Variants in PKD1L1 observed in about 807,000 individuals in gnomAD.
PKD1L1 encodes the protein polycystin-1-like protein 1.
In PKD1L1, 236 loss-of-function variants were observed where a neutral mutation model predicts 323.4. That is an observed-to-expected ratio of 0.73 (90% CI 0.66 to 0.81). PKD1L1 has a LOEUF of 0.81. PKD1L1 is among the 40% of genes least tolerant of loss of function. The pLI is 0.00. For missense variants in PKD1L1, 3,320 were observed against 3,508.0 expected (o/e 0.95, Z 1.35); for synonymous variants, 1,344 against 1,335.0 (o/e 1.01, Z -0.15).
chr7:47,945,734 C>T (rs920215204), intron 1 of PKD1L1, among the ~76,000 whole-genome samples: 1 of 152,172 alleles, frequency 6.6e-6, no homozygotes, highest in Non-Finnish European at 1.5e-5. Flanking sequence ...CAGTCCACAG[C>T]TGTGAGACTG....
In PKD1L1 at chr7:47,929,107, G is replaced by A. The variant is rs543072723; in HGVS notation, c.1060+97C>T. 3.7e-4 allele frequency: 464 copies of A among 1,263,216 alleles called. 1 individual carries two copies. In the African/African-American group the frequency reaches 6.3e-3, roughly 17 times the overall value. 78.3% of individuals were successfully genotyped at this position (1,263,216 alleles called of 1,614,324 possible). Reference sequence around the variant, plus strand: ...GAAGGTTGGCTGAGTCCAGAGAAACGGAATGCAGTTTCTTTTCTTTTCCCA... The same window carrying A: ...GAAGGTTGGCTGAGTCCAGAGAAACAGAATGCAGTTTCTTTTCTTTTCCCA... On this transcript the variant is annotated intron_variant, in intron 7 of 56. Coordinates refer to ENST00000289672, the MANE Select transcript of PKD1L1 (RefSeq NM_138295.5).
At chr7:47,829,683 T>C in intron 43 of PKD1L1, 82 bp from the exon 44 acceptor site, 1 of 1,379,104 alleles carries the variant, frequency 7.3e-7, no homozygotes. Context: ...CGTCCCCTAA[T>C]CATGAACAGG....
chr7:47,877,612 C>T lies in PKD1L1; in HGVS notation c.3540G>A (p.Leu1180=), dbSNP rs1786437771. The change falls in exon 22 of 57, where the codon CTG becomes CTA. Residue 1180 remains leucine, a synonymous_variant. Transcript: ENST00000289672. ...CTGTCAAGTACAGCTGAGCTTTACCCAGTAAGCCATGCTTCGAAGCTAAAG... is the reference window on the plus strand; with the variant it reads ...CTGTCAAGTACAGCTGAGCTTTACCTAGTAAGCCATGCTTCGAAGCTAAAG... ...QVSVASKHGL[L]GKAQLYLTVN... 1.9e-6 allele frequency: 3 copies of T among 1,614,098 alleles called. No individual in the cohort carries two copies. Among genetic ancestry groups the T allele is most frequent in the Non-Finnish European group, 2.5e-6 (3 of 1,179,960 alleles).
intron 30 of PKD1L1, among the ~76,000 whole-genome samples, chr7:47,854,563 C>A (rs12702394): frequency 0.21 from 31,661 of 151,930 alleles, 4,218 homozygotes; most frequent in African/African-American, 0.37. Flanking sequence ...AACACATTTT[C>A]TCCTTTTGGA....
At chr7:47,814,079 G>T in intron 47 of PKD1L1, 65 bp from the exon 48 acceptor site, 1 of 1,372,438 alleles carries the variant, frequency 7.3e-7, no homozygotes, top group Non-Finnish European at 1.0e-6. Context: ...CTCATCAAGC[G>T]TGCTCAAAAG....
At position 47,847,140 on chromosome 7, in the gene PKD1L1, G is replaced by A. The variant is rs1451760651; in HGVS notation, c.4961-69C>T. 2.2e-5 allele frequency: 29 copies of A among 1,297,550 alleles called. 2 individuals are homozygous for A. The South Asian group carries it at 3.5e-4, about 16-fold the overall frequency. The allele number at this position is 1,297,550 out of a possible 1,614,324, so 80.4% of individuals were successfully genotyped here. ...CAGAAAGGCATTCTCCATTTCAAAC[G>A]CAGACAGAGTAGGCAGATAGGTGGG... On this transcript the variant is annotated intron_variant, in intron 31 of 56. Transcript: ENST00000289672.
At chr7:47,960,671 GAA>G in the PKD1L1 span, among the ~76,000 whole-genome samples, 3 of 140,694 alleles carry the variant, frequency 2.1e-5, no homozygotes, top group African/African-American at 5.4e-5. Flanking sequence ...GAAAGGAGCA[GAA>G]ATAAATAATT....
At position 47,925,630 on chromosome 7, in the gene PKD1L1, C is replaced by T. The variant is rs114306302; in HGVS notation, c.1060+3574G>A. Among the ~76,000 whole-genome samples, 369 of 152,274 alleles carry T rather than the reference C, an allele frequency of 2.4e-3. 2 individuals carry two copies. Among genetic ancestry groups the T allele is most frequent in the African/African-American group, 8.5e-3 (352 of 41,556 alleles). ...GGAAGGGAGGGTCAGACATGCCCCA[C>T]GATACCCTCCTCCCATTGGAATTGA... is the stretch of plus-strand genomic sequence containing the variant. On this transcript the variant is annotated intron_variant, in intron 7 of 56. Coordinates refer to ENST00000289672, the MANE Select transcript of PKD1L1 (RefSeq NM_138295.5).
intron 54 of PKD1L1, among the ~76,000 whole-genome samples, chr7:47,796,830 CAA>C (rs71006525): frequency 0.073 from 9,708 of 133,346 alleles, 394 homozygotes; most frequent in East Asian, 0.2. Flanking sequence ...TCCTAAATTA[CAA>C]AAAAAAAAAA....
chr7:47,849,722 C>T (rs1562958303), intron 31 of PKD1L1, among the ~76,000 whole-genome samples: 1 of 152,190 alleles, frequency 6.6e-6, no homozygotes. Context: ...AAAGGGAATA[C>T]TTTTACACTG....
In PKD1L1 at chr7:47,890,558, G is replaced by A; in HGVS notation, c.2659C>T (p.Pro887Ser). ...SETRVFLSPY[P>S]DSAFRFVHIS... is the part of the protein sequence containing the mutation. Reference sequence around the variant, plus strand: ...GTCAGGTACCTGAACGCCGAGTCAGGGTAGGGGGACAGGAACACCCGGGTC... The same window carrying A: ...GTCAGGTACCTGAACGCCGAGTCAGAGTAGGGGGACAGGAACACCCGGGTC... The change falls in exon 16 of 57, where the codon CCT becomes TCT. Residue 887 changes from proline to serine, a missense_variant. Physicochemically the swap from Pro to Ser is moderately conservative, Grantham distance 74 (BLOSUM62 -1). Transcript: ENST00000289672. 2 of 1,614,092 alleles carry A rather than the reference G, an allele frequency of 1.2e-6. No individual in the cohort carries two copies. Among genetic ancestry groups the A allele is most frequent in the Non-Finnish European group, 1.7e-6 (2 of 1,180,034 alleles).
At chr7:47,867,895 G>C (rs1420098311) in intron 24 of PKD1L1, among the ~76,000 whole-genome samples, 2 of 152,122 alleles carry the variant, frequency 1.3e-5, no homozygotes, top group Non-Finnish European at 2.9e-5. Context: ...CAGAGTAATA[G>C]AGATTATAAA....
chr7:47,946,848 T>C lies in PKD1L1; in HGVS notation c.44+1549A>G, dbSNP rs1251352670. On this transcript the variant is annotated intron_variant, in intron 1 of 56. Coordinates refer to ENST00000289672, the MANE Select transcript of PKD1L1 (RefSeq NM_138295.5). This position sits in a 1 kb window ranked among gnomAD's most constrained non-coding sequence, Gnocchi z 4.1. The stretch of plus-strand genomic sequence containing the variant: ...CCTCGACACCAATTACAATGGCTAG[T>C]GCGTGCATGAACTAGTTGGTCTGCA... 7.2e-6 allele frequency among the ~76,000 whole-genome samples: 1 copy of C among 138,778 alleles called. No individual in the cohort carries two copies. The highest frequency in any genetic ancestry group is 3.5e-5 in the African/African-American group (1 of 28,896). The allele number at this position is 138,778 out of a possible 152,430, so 91.0% of individuals were successfully genotyped here. A position where few individuals can be genotyped will look rare whatever the true frequency, so the allele number is the denominator to read the frequency against.
intron 51 of PKD1L1, 81 bp downstream of exon 51, chr7:47,809,392 A>T (rs1481696696): frequency 8.9e-7 from 1 of 1,125,786 alleles, no homozygotes; most frequent in Non-Finnish European, 1.3e-6. Context: ...GTGCATAATC[A>T]ATTTCTTATT....
chr7:47,884,962 C>G (rs1786649894), intron 18 of PKD1L1, among the ~76,000 whole-genome samples: 1 of 152,196 alleles, frequency 6.6e-6, no homozygotes, highest in Non-Finnish European at 1.5e-5. Flanking sequence ...TGCCACCACA[C>G]CCAGCATCCT....
chr7:47,843,303 G>A (rs1785601548), intron 33 of PKD1L1, 134 bp from the exon 34 acceptor site: 1 of 709,550 alleles, frequency 1.4e-6, no homozygotes, highest in Non-Finnish European at 2.3e-6. Context: ...TACACTTGCT[G>A]GAAGCTGAGT....
intron 41 of PKD1L1, among the ~76,000 whole-genome samples, chr7:47,831,784 C>T (rs1785353963): frequency 6.6e-6 from 1 of 152,146 alleles, no homozygotes; most frequent in African/African-American, 2.4e-5. Flanking sequence ...CTATGGGTCC[C>T]CAACATCAGA....
chr7:47,877,438 A>G, intron 22 of PKD1L1, 51 bp downstream of exon 22: 1 of 1,603,500 alleles, frequency 6.2e-7, no homozygotes, highest in Non-Finnish European at 8.5e-7. Flanking sequence ...TGTGACTGCC[A>G]GATGCCACTG....
At chr7:47,830,146 T>C in intron 42 of PKD1L1, 22 bp from the exon 43 acceptor site, 1 of 1,608,646 alleles carries the variant, frequency 6.2e-7, no homozygotes, top group South Asian at 1.1e-5. Flanking sequence ...GAAAGTGCAG[T>C]GGTCAGCCCC....
Sources: gnomAD v4.1 joint callset for allele counts (sites outside exome capture counted in the v4.1 genomes callset) on GRCh38, gnomAD v4.1.1 for gene constraint, Gnocchi (gnomAD v3.1) non-coding constraint, MANE v1.5 for transcripts, NCBI Gene and HGNC (gene_info 2026-07-23, HGNC 2026-07-21) for gene names.